The following FGF14 variants were observed in gnomAD, a reference collection of about 807,000 sequenced individuals.
FGF14 encodes the protein fibroblast growth factor 14, also known as fibroblast growth factor homologous factor 4.
FGF14 carries 5 observed loss-of-function variants against 25.5 expected under a neutral mutation model. That is an observed-to-expected ratio of 0.20 (90% CI 0.10 to 0.41). FGF14 has a LOEUF of 0.41. Among genes scored for constraint, FGF14 ranks in the 10% least tolerant of loss-of-function variants. FGF14 has a pLI of 1.00. For missense variants in FGF14, 222 were observed against 320.1 expected (o/e 0.69, Z 2.34); for synonymous variants, 138 against 118.3 (o/e 1.17, Z -1.08).
chr13:101,869,757 G>T (rs1001581224), intron 2 of FGF14, among the ~76,000 whole-genome samples: 2 of 152,188 alleles, frequency 1.3e-5, no homozygotes, highest in African/African-American at 4.8e-5. Flanking sequence ...GTAAGTGTAA[G>T]TACAGTATCC....
rs1309320659 is a variant in FGF14, at chr13:101,711,318, C to T, written c.*11513G>A. On this transcript the variant is annotated 3_prime_UTR_variant, in exon 5 of 5. Transcript: ENST00000376143. The stretch of plus-strand genomic sequence containing the variant: ...CATTAACTGTCTCCTTAAACTCTCA[C>T]AGTGATACTTCTTGGGTCCCACATC... 6.6e-6 allele frequency: 1 copy of T among 152,258 alleles called. No homozygotes were observed. The highest frequency in any genetic ancestry group is 1.5e-5 in the Non-Finnish European group (1 of 68,062). 9.4% of individuals were successfully genotyped at this position (152,258 alleles called of 1,614,324 possible). A position where few individuals can be genotyped will look rare whatever the true frequency, so the allele number is the denominator to read the frequency against.
At chr13:101,744,557 C>T (rs2036762831) in intron 3 of FGF14, among the ~76,000 whole-genome samples, 1 of 152,034 alleles carries the variant, frequency 6.6e-6, no homozygotes, top group Admixed American at 6.6e-5. Flanking sequence ...GATTAATAAA[C>T]ACGTATTAAA....
rs1259220620 is a variant in FGF14, at chr13:101,713,355, T to C, written c.*9476A>G. ...ATGATTGATTCTTGCCCCTTTTCAA[T>C]ATATTTTGAACTTACCAATTCTGCA... On this transcript the variant is annotated 3_prime_UTR_variant, in exon 5 of 5. Transcript: ENST00000376143. The C allele has an allele frequency of 1.3e-5, 2 of 152,220 alleles. No homozygotes were observed. The highest frequency in any genetic ancestry group is 4.8e-5 in the African/African-American group (2 of 41,456). 9.4% of individuals were successfully genotyped at this position (152,220 alleles called of 1,614,324 possible).
At chr13:102,067,709 A>T (rs2042961411) in intron 1 of FGF14, among the ~76,000 whole-genome samples, 1 of 149,724 alleles carries the variant, frequency 6.7e-6, no homozygotes, top group Admixed American at 6.7e-5. Context: ...GAGGAGAGAC[A>T]GAGAGAGAGA....
chr13:101,909,893 C>A (rs1294110244), intron 1 of FGF14, among the ~76,000 whole-genome samples: 3 of 152,082 alleles, frequency 2.0e-5, no homozygotes, highest in Non-Finnish European at 2.9e-5. Context: ...ACATATACAC[C>A]ATGGAATACA....
chr13:102,001,899 G>A (rs536701403), intron 1 of FGF14, among the ~76,000 whole-genome samples: 143 of 152,292 alleles, frequency 9.4e-4, no homozygotes, highest in African/African-American at 3.3e-3. Flanking sequence ...TAGGTGGCAG[G>A]TGGGAACCAG....
At chr13:101,844,180 T>C (rs1316838763) in intron 3 of FGF14, among the ~76,000 whole-genome samples, 1 of 151,976 alleles carries the variant, frequency 6.6e-6, no homozygotes, top group Non-Finnish European at 1.5e-5. Context: ...CTTAAAATCA[T>C]GAAAAATACA....
intron 1 of FGF14, among the ~76,000 whole-genome samples, chr13:102,302,956 T>A (rs530696524): frequency 1.3e-5 from 2 of 152,300 alleles, no homozygotes; most frequent in East Asian, 3.9e-4. Flanking sequence ...CTTCAGTGTT[T>A]TCCTGTCCCC....
intron 1 of FGF14, among the ~76,000 whole-genome samples, chr13:102,213,637 A>C (rs2050250196): frequency 6.6e-6 from 1 of 152,214 alleles, no homozygotes; most frequent in African/African-American, 2.4e-5. Flanking sequence ...AAAAAGCAAT[A>C]AATCAGGGAG....
intron 1 of FGF14, among the ~76,000 whole-genome samples, chr13:102,337,200 A>G (rs1013580261): frequency 1.3e-5 from 2 of 152,232 alleles, no homozygotes; most frequent in African/African-American, 2.4e-5. Context: ...ACTGTTCCAG[A>G]TGTCATTAAG....
intron 1 of FGF14, among the ~76,000 whole-genome samples, chr13:102,032,926 A>G (rs1166771061): frequency 2.0e-5 from 3 of 152,244 alleles, no homozygotes; most frequent in African/African-American, 7.2e-5. Context: ...GAGAAGGAAC[A>G]ATGACAAGGA....
rs1208426964 is a variant in FGF14 at position 101,721,354 on chromosome 13, T to TAA, written c.*1475_*1476dup. 6.6e-6 allele frequency: 1 copy of TAA among 151,832 alleles called. No individual in the cohort carries two copies. Among genetic ancestry groups the TAA allele is most frequent in the Non-Finnish European group, 1.5e-5 (1 of 67,944 alleles). The allele number at this position is 151,832 out of a possible 1,614,324, so 9.4% of individuals were successfully genotyped here. A position where few individuals can be genotyped will look rare whatever the true frequency, so the allele number is the denominator to read the frequency against. On this transcript the variant is annotated 3_prime_UTR_variant, in exon 5 of 5. Coordinates refer to ENST00000376143, the MANE Select transcript of FGF14 (RefSeq NM_004115.4). ...TTCCCTAAGCTCAAACAAACAGTGTTAAACTAAAAAGGAAATTAAGAATGC... is the reference window on the plus strand; with the variant it reads ...TTCCCTAAGCTCAAACAAACAGTGTTAAAAACTAAAAAGGAAATTAAGAATGC...
At chr13:101,869,181 A>G (rs148678101) in intron 2 of FGF14, among the ~76,000 whole-genome samples, 1 of 152,322 alleles carries the variant, frequency 6.6e-6, no homozygotes, top group Non-Finnish European at 1.5e-5. Flanking sequence ...CAGAATTTTA[A>G]AAGTCCAAGT....
chr13:102,323,999 G>A (rs918008202), intron 1 of FGF14, among the ~76,000 whole-genome samples: 1 of 146,950 alleles, frequency 6.8e-6, no homozygotes, highest in Admixed American at 6.8e-5. Flanking sequence ...GTGTGTGTGT[G>A]TGTGTGTTGC....
intron 1 of FGF14, among the ~76,000 whole-genome samples, chr13:101,991,902 C>A (rs2038930891): frequency 6.6e-6 from 1 of 151,868 alleles, no homozygotes; most frequent in Admixed American, 6.6e-5. Context: ...GGGAGAAGGA[C>A]AAAGTGACCT....
At chr13:101,835,901 G>A (rs2042900247) in intron 3 of FGF14, among the ~76,000 whole-genome samples, 1 of 152,000 alleles carries the variant, frequency 6.6e-6, no homozygotes, top group South Asian at 2.1e-4. Context: ...GACTGTTGCT[G>A]GAAGAAATCT....
At position 101,711,654 on chromosome 13, in the gene FGF14, T is replaced by C. The variant is rs982803961; in HGVS notation, c.*11177A>G. 2 of 152,238 alleles carry C rather than the reference T, an allele frequency of 1.3e-5. No homozygotes were observed. The highest frequency in any genetic ancestry group is 2.9e-5 in the Non-Finnish European group (2 of 68,050). The allele number at this position is 152,238 out of a possible 1,614,324, so 9.4% of individuals were successfully genotyped here. ...GCCTGTGAGGTCCAGGACAGTTTCC[T>C]TTATTCTCTCTTCCATTCTCATCTT... On this transcript the variant is annotated 3_prime_UTR_variant, in exon 5 of 5. Coordinates refer to ENST00000376143, the MANE Select transcript of FGF14 (RefSeq NM_004115.4).
intron 1 of FGF14, among the ~76,000 whole-genome samples, chr13:101,943,165 T>C (rs1180283643): frequency 1.3e-5 from 2 of 152,224 alleles, no homozygotes; most frequent in East Asian, 3.9e-4. Context: ...CTGAATCTTG[T>C]AACTAGGCAG....
chr13:101,817,581 G>T (rs973811878), intron 3 of FGF14, among the ~76,000 whole-genome samples: 1 of 152,136 alleles, frequency 6.6e-6, no homozygotes, highest in African/African-American at 2.4e-5. Flanking sequence ...CTTTGAAAAG[G>T]TACTTCAACT....
Sources: gnomAD v4.1 joint callset for allele counts (sites outside exome capture counted in the v4.1 genomes callset) on GRCh38, gnomAD v4.1.1 for gene constraint, MANE v1.5 for transcripts, NCBI Gene and HGNC (gene_info 2026-07-23, HGNC 2026-07-21) for gene names.